The following HDAC9 variants were observed in gnomAD, a reference collection of about 807,000 sequenced individuals.
The protein encoded by HDAC9 is histone deacetylase 9.
HDAC9 carries 41 observed loss-of-function variants against 139.4 expected under a neutral mutation model. That is an observed-to-expected ratio of 0.29 (90% CI 0.23 to 0.38). The LOEUF (loss-of-function observed/expected upper bound fraction) is 0.38. HDAC9 is among the 10% of genes least tolerant of loss of function. The pLI, the probability that HDAC9 is intolerant of heterozygous loss-of-function variation, is 1.00. For missense variants in HDAC9, 1,147 were observed against 1,297.0 expected, an observed-to-expected ratio of 0.88 and a Z score of 1.78; for synonymous variants, 517 against 476.2, an observed-to-expected ratio of 1.09 and a Z score of -1.12.
At chr7:18,449,384 A>G (rs1792588769) in intron 1 of HDAC9, among the ~76,000 whole-genome samples, 2 of 152,310 alleles carry the variant, frequency 1.3e-5, no homozygotes, top group South Asian at 2.1e-4. Context: ...TGCCTACTAT[A>G]TGACTCAATT....
In HDAC9 at chr7:18,762,119, T is replaced by C. The variant is rs180804450; in HGVS notation, c.2044-38T>C. On this transcript the variant is annotated intron_variant, in intron 14 of 25. Coordinates refer to ENST00000686413, the MANE Select transcript of HDAC9 (RefSeq NM_178425.4). ...GGGTCTCATTTTCTTCTAAATGTTG[T>C]CAGTGGTGTACTGTTGGCTTCTGCT... 1,161 of 1,611,724 alleles carry C rather than the reference T, an allele frequency of 7.2e-4. 8 individuals are homozygous for C. Among genetic ancestry groups the C allele is most frequent in the Admixed American group, 3.5e-4 (21 of 59,876 alleles).
chr7:18,345,195 T>G (rs1782311404), intron 1 of HDAC9, among the ~76,000 whole-genome samples: 1 of 152,038 alleles, frequency 6.6e-6, no homozygotes. Flanking sequence ...AAAGGGATAT[T>G]GTGTTTCCAA....
At chr7:18,666,619 C>T (rs530092193) in intron 12 of HDAC9, 143 bp downstream of exon 12, 1 of 1,461,732 alleles carries the variant, frequency 6.8e-7, no homozygotes, top group African/African-American at 1.4e-5. Flanking sequence ...AAGGATTCTA[C>T]CTAATGCAGA....
intron 1 of HDAC9, among the ~76,000 whole-genome samples, chr7:18,467,980 G>GT (rs1430662533): frequency 2.6e-5 from 4 of 152,020 alleles, no homozygotes; most frequent in Non-Finnish European, 5.9e-5. Context: ...GGTTATATCT[G>GT]TTTTTTTCTT....
intron 1 of HDAC9, among the ~76,000 whole-genome samples, chr7:18,362,820 AAT>A (rs1783887310): frequency 6.6e-6 from 1 of 152,182 alleles, no homozygotes; most frequent in Admixed American, 6.5e-5. Flanking sequence ...GAGAATCTTG[AAT>A]AGTAAAGAGT....
chr7:18,662,857 G>T lies in HDAC9; in HGVS notation c.1468-3356G>T, dbSNP rs78027163. ...TGGAGGGTGTAGTCATGAATTTGGAGAACACTCAGCATGATCGTAATTTGT... is the reference window on the plus strand; with the variant it reads ...TGGAGGGTGTAGTCATGAATTTGGATAACACTCAGCATGATCGTAATTTGT... On this transcript the variant is annotated intron_variant, in intron 11 of 25. Transcript: ENST00000686413. 5.6e-3 allele frequency among the ~76,000 whole-genome samples: 854 copies of T among 152,236 alleles called. 3 individuals carry two copies. The highest frequency in any genetic ancestry group is 9.0e-3 in the Non-Finnish European group (615 of 68,006).
At chr7:18,391,386 C>CCG (rs1786471033) in intron 1 of HDAC9, among the ~76,000 whole-genome samples, 1 of 151,462 alleles carries the variant, frequency 6.6e-6, no homozygotes, top group Non-Finnish European at 1.5e-5. Flanking sequence ...CGCCATCCCC[C>CCG]CCCCAAAAAA....
At chr7:18,968,137 G>C (rs139295189) in intron 24 of HDAC9, among the ~76,000 whole-genome samples, 3,542 of 152,210 alleles carry the variant, frequency 0.023, 130 homozygotes, top group African/African-American at 0.081. Context: ...ACTCCAGCCT[G>C]AGCAACAAGA....
intron 12 of HDAC9, 29 bp from the exon 13 acceptor site, chr7:18,727,551 T>C (rs753323495): frequency 1.3e-6 from 2 of 1,560,528 alleles, no homozygotes; most frequent in Non-Finnish European, 1.7e-6. Context: ...CTCACATTTC[T>C]TTCTACTGTG....
chr7:18,099,946 A>G (rs1041768181), intron 1 of HDAC9, among the ~76,000 whole-genome samples: 3 of 152,130 alleles, frequency 2.0e-5, no homozygotes, highest in East Asian at 1.9e-4. Context: ...CTTTGTCTAT[A>G]TCCAGATTTT....
At chr7:18,669,666 A>G (rs979487434) in intron 12 of HDAC9, among the ~76,000 whole-genome samples, 2 of 151,898 alleles carry the variant, frequency 1.3e-5, no homozygotes, top group African/African-American at 2.4e-5. Flanking sequence ...CAGAGATCCT[A>G]AAGTATGAGT....
At chr7:18,889,090 T>C (rs1233003511) in intron 22 of HDAC9, among the ~76,000 whole-genome samples, 2 of 152,230 alleles carry the variant, frequency 1.3e-5, no homozygotes, top group East Asian at 1.9e-4. Flanking sequence ...GTGATGTCTA[T>C]GTACTCTCTA....
intron 2 of HDAC9, among the ~76,000 whole-genome samples, chr7:18,513,717 C>A (rs918549251): frequency 6.6e-5 from 10 of 152,204 alleles, no homozygotes; most frequent in African/African-American, 2.4e-4. Context: ...TCTTCTCTGG[C>A]ATCTGTAAGC....
chr7:18,831,169 C>G (rs753691364), intron 19 of HDAC9, among the ~76,000 whole-genome samples: 1 of 152,128 alleles, frequency 6.6e-6, no homozygotes, highest in Non-Finnish European at 1.5e-5. Context: ...AAAGAATCTT[C>G]TCTGCTACCA....
chr7:18,708,194 CTTTGTGAAGT>C (rs1784082298), intron 12 of HDAC9, among the ~76,000 whole-genome samples: 1 of 152,056 alleles, frequency 6.6e-6, no homozygotes, highest in Non-Finnish European at 1.5e-5. Flanking sequence ...CGTCTATTTC[CTTTGTGAAGT>C]AGAAGGTGAG....
chr7:18,978,646 A>C (rs1784702894), intron 25 of HDAC9, among the ~76,000 whole-genome samples: 1 of 152,240 alleles, frequency 6.6e-6, no homozygotes, highest in Non-Finnish European at 1.5e-5. Context: ...AGAAAATTAA[A>C]TATATACGTC....
At chr7:18,667,162 A>G in intron 12 of HDAC9, 1 of 985,284 alleles carries the variant, frequency 1.0e-6, no homozygotes, top group African/African-American at 1.7e-5. Flanking sequence ...TATGTCTCAC[A>G]TAGCACTGCT....
intron 12 of HDAC9, among the ~76,000 whole-genome samples, chr7:18,726,585 C>G (rs1334766215): frequency 6.6e-6 from 1 of 151,990 alleles, no homozygotes; most frequent in Non-Finnish European, 1.5e-5. Flanking sequence ...AGCTATTTTT[C>G]ACATTCGTTA....
At chr7:18,489,563 C>G (rs1304877113) in intron 1 of HDAC9, among the ~76,000 whole-genome samples, 1 of 151,864 alleles carries the variant, frequency 6.6e-6, no homozygotes, top group Non-Finnish European at 1.5e-5. Flanking sequence ...AGTTTCTTAT[C>G]AAACTGTATA....
Sources: gnomAD v4.1 joint callset for allele counts (sites outside exome capture counted in the v4.1 genomes callset) on GRCh38, gnomAD v4.1.1 for gene constraint, MANE v1.5 for transcripts, NCBI Gene and HGNC (gene_info 2026-07-23, HGNC 2026-07-21) for gene names.